MSH3: variants seen among roughly 807,000 people sequenced by gnomAD.
The protein encoded by MSH3 is DNA mismatch repair protein Msh3.
Under a neutral mutation model 123.3 loss-of-function variants are expected in MSH3, and 106 were observed. The observed-to-expected ratio is 0.86, with a 90% CI of 0.73 to 1.01. The LOEUF (loss-of-function observed/expected upper bound fraction) is 1.01, where lower values mean the gene tolerates loss of function less well. MSH3 is among the 50% of genes least tolerant of loss of function. The pLI is 0.00. For missense variants in MSH3, 1,459 were observed against 1,347.6 expected (o/e 1.08, Z -1.29); for synonymous variants, 515 against 481.4 (o/e 1.07, Z -0.91).
Position 80,675,010 on chromosome 5 carries a change from A to G in MSH3, c.1055A>G (p.Asp352Gly), listed in dbSNP as rs2112815953. Reference sequence around the variant, plus strand: ...GTGAATCCCCTAATCAAGCTGGATGATGCTGTAAATGTTGATGAGATAATG... The same window carrying G: ...GTGAATCCCCTAATCAAGCTGGATGGTGCTGTAAATGTTGATGAGATAATG... ...EDVNPLIKLDDAVNVDEIMTD... is the reference protein window; with the variant it reads ...EDVNPLIKLDGAVNVDEIMTD... The change falls in exon 7 of 24, where the codon GAT becomes GGT. Residue 352 changes from aspartate (D) to glycine (G), a missense_variant. Transcript: ENST00000265081. 1.2e-6 allele frequency: 2 copies of G among 1,610,664 alleles called. No individual in the cohort carries two copies. The highest frequency in any genetic ancestry group is 1.7e-6 in the Non-Finnish European group (2 of 1,177,122).
At chr5:80,857,328 T>C (rs1189076143) in intron 21 of MSH3, among the ~76,000 whole-genome samples, 1 of 152,236 alleles carries the variant, frequency 6.6e-6, no homozygotes, top group Non-Finnish European at 1.5e-5. Flanking sequence ...TTTGCATCTA[T>C]GTTTATGAGA....
chr5:80,778,929 C>G (rs1744358574), intron 17 of MSH3, 93 bp downstream of exon 17: 1 of 765,180 alleles, frequency 1.3e-6, no homozygotes, highest in Non-Finnish European at 2.3e-6. Context: ...GAGATTACAG[C>G]TCATGACCCA....
chr5:80,780,355 C>G (rs1448328733), intron 17 of MSH3, among the ~76,000 whole-genome samples: 5 of 152,288 alleles, frequency 3.3e-5, no homozygotes, highest in Middle Eastern at 3.4e-3. Flanking sequence ...TATATAAACT[C>G]AGTATTTTTC....
chr5:80,863,413 G>A (rs1317041820), intron 21 of MSH3, among the ~76,000 whole-genome samples: 1 of 152,140 alleles, frequency 6.6e-6, no homozygotes, highest in African/African-American at 2.4e-5. Context: ...GCTCACACCT[G>A]TAATCCCAGC....
At chr5:80,739,195 C>T (rs1248338490) in intron 10 of MSH3, among the ~76,000 whole-genome samples, 4 of 152,164 alleles carry the variant, frequency 2.6e-5, no homozygotes, top group Non-Finnish European at 5.9e-5. Flanking sequence ...GTCAGAACAG[C>T]GGAAGTAAGG....
At chr5:80,861,821 T>C (rs1746017443) in intron 21 of MSH3, among the ~76,000 whole-genome samples, 1 of 152,134 alleles carries the variant, frequency 6.6e-6, no homozygotes, top group African/African-American at 2.4e-5. Flanking sequence ...AGGAAAGTTG[T>C]GATTCTTTGT....
intron 12 of MSH3, chr5:80,746,568 A>C (rs1440468412): frequency 2.4e-6 from 1 of 417,228 alleles, no homozygotes; most frequent in East Asian, 7.1e-5. Context: ...GTTGGTCCTA[A>C]GGAGGGATCT....
intron 20 of MSH3, among the ~76,000 whole-genome samples, chr5:80,821,032 G>C (rs1376989815): frequency 6.6e-6 from 1 of 152,160 alleles, no homozygotes; most frequent in Admixed American, 6.5e-5. Flanking sequence ...TGCAAGATGG[G>C]ATAATCATGA....
intron 19 of MSH3, among the ~76,000 whole-genome samples, chr5:80,806,275 T>C (rs1744889577): frequency 6.6e-6 from 1 of 152,160 alleles, no homozygotes; most frequent in African/African-American, 2.4e-5. Context: ...ATTTTGTATT[T>C]TTGGTAGAGA....
At position 80,667,137 on chromosome 5, in the gene MSH3, T is replaced by A. The variant is rs547852795; in HGVS notation, c.579+1774T>A. On this transcript the variant is annotated intron_variant, in intron 3 of 23. Coordinates refer to ENST00000265081, the MANE Select transcript of MSH3 (RefSeq NM_002439.5). ...ATTCAAGTATTTAGATTGATTTAAT[T>A]GTTAGCATCCCATAAGGATAAAACT... Among the ~76,000 whole-genome samples the A allele has an allele frequency of 2.4e-3, 372 of 152,342 alleles. 1 individual carries two copies. The highest frequency in any genetic ancestry group is 6.2e-3 in the South Asian group (30 of 4,828).
At position 80,798,236 on chromosome 5, in the gene MSH3, G is replaced by T. The variant is rs113489572; in HGVS notation, c.2655+5392G>T. Among the ~76,000 whole-genome samples, 1,432 of 152,216 alleles carry T rather than the reference G, an allele frequency of 9.4e-3. 23 individuals carry two copies. Among genetic ancestry groups the T allele is most frequent in the African/African-American group, 0.033 (1,356 of 41,538 alleles). ...GCTGGGGCAGGGTAGACATTGAGAT[G>T]CTAGTCACAGTCCCTTCTTGTGAGA... On this transcript the variant is annotated intron_variant, in intron 19 of 23. Coordinates refer to ENST00000265081, the MANE Select transcript of MSH3 (RefSeq NM_002439.5).
rs1749220995 is a variant in MSH3, at chr5:80,654,941, C to T, written c.214C>T (p.Pro72Ser). Reference sequence around the variant, plus strand: ...CCCAGCGCCCCCAGCTCCCGCCTTCCCGCCCCAGCTGCCGCCGCACATAGT... The same window carrying T: ...CCCAGCGCCCCCAGCTCCCGCCTTCTCGCCCCAGCTGCCGCCGCACATAGT... ...APPAPPAPAF[P>S]PQLPPHIATE... Residue 72 changes from proline to serine, a missense_variant, in exon 1 of 24, where the codon CCG becomes TCG. Pro to Ser is a moderately conservative substitution (Grantham distance 74, BLOSUM62 -1). Transcript: ENST00000265081. 3 of 1,495,814 alleles carry T rather than the reference C, an allele frequency of 2.0e-6. No homozygotes were observed. Among genetic ancestry groups the T allele is most frequent in the Non-Finnish European group, 2.7e-6 (3 of 1,124,652 alleles). 92.7% of individuals were successfully genotyped at this position (1,495,814 alleles called of 1,614,324 possible).
intron 8 of MSH3, among the ~76,000 whole-genome samples, chr5:80,693,562 TATAA>T (rs1750389507): frequency 8.5e-6 from 1 of 117,674 alleles, no homozygotes; most frequent in Non-Finnish European, 1.9e-5. Flanking sequence ...TATGTGTTTA[TATAA>T]ATATATATGC....
intron 20 of MSH3, among the ~76,000 whole-genome samples, chr5:80,815,336 T>A (rs1007081854): frequency 2.0e-5 from 3 of 151,398 alleles, no homozygotes; most frequent in African/African-American, 7.3e-5. Context: ...TTATTTTGGT[T>A]ACAGTATTAA....
chr5:80,692,883 A>G (rs1467782554), intron 8 of MSH3, among the ~76,000 whole-genome samples: 2 of 94,706 alleles, frequency 2.1e-5, no homozygotes, highest in Non-Finnish European at 4.4e-5. Context: ...ATAAATATAC[A>G]TGCACATGTA....
intron 12 of MSH3, among the ~76,000 whole-genome samples, chr5:80,761,100 G>A (rs1039602483): frequency 2.6e-5 from 4 of 152,164 alleles, no homozygotes; most frequent in Non-Finnish European, 4.4e-5. Context: ...AGCGAGGTTG[G>A]GGGAGGGTGG....
chr5:80,766,635 G>A (rs1389379074), intron 13 of MSH3, among the ~76,000 whole-genome samples: 4 of 151,966 alleles, frequency 2.6e-5, no homozygotes, highest in Admixed American at 6.6e-5. Context: ...GAGTCACTGC[G>A]TCTGGCTGGT....
chr5:80,803,894 T>C (rs796888022), intron 19 of MSH3, among the ~76,000 whole-genome samples: 34 of 152,228 alleles, frequency 2.2e-4, no homozygotes, highest in African/African-American at 7.5e-4. Context: ...CTGGGTTCTC[T>C]ATTCTGTTTC....
At chr5:80,750,078 A>AATGTGTGT (rs1554071461) in intron 12 of MSH3, among the ~76,000 whole-genome samples, 1 of 134,206 alleles carries the variant, frequency 7.5e-6, no homozygotes, top group African/African-American at 3.0e-5. Context: ...AGTATTCCAG[A>AATGTGTGT]GTGTGTGTGT....
Sources: gnomAD v4.1 joint callset for allele counts (sites outside exome capture counted in the v4.1 genomes callset) on GRCh38, gnomAD v4.1.1 for gene constraint, MANE v1.5 for transcripts, NCBI Gene and HGNC (gene_info 2026-07-23, HGNC 2026-07-21) for gene names.